Variants in ELP2 observed in about 807,000 individuals in gnomAD.
ELP2 encodes the protein elongator acetyltransferase complex subunit 2.
A neutral mutation model predicts 119.2 loss-of-function variants in ELP2; 90 were observed. The ratio of observed to expected loss-of-function variants is 0.75; its 90% CI spans 0.64 to 0.90. The LOEUF (loss-of-function observed/expected upper bound fraction) is 0.90. Ranked by LOEUF, ELP2 falls within the 40% of genes least tolerant of loss-of-function variation. ELP2 has a pLI of 0.00. For missense variants in ELP2, 921 were observed against 967.8 expected (o/e 0.95, Z 0.64); for synonymous variants, 339 against 331.0 (o/e 1.02, Z -0.26).
intron 9 of ELP2, chr18:36,145,265 C>G (rs1322361133): frequency 1.0e-5 from 5 of 492,806 alleles, no homozygotes; most frequent in Non-Finnish European, 1.8e-5. Context: ...GCTGAAACTA[C>G]CACACCCCCA....
intron 5 of ELP2, 119 bp downstream of exon 5, chr18:36,138,991 A>G: frequency 1.3e-6 from 1 of 796,504 alleles, no homozygotes; most frequent in Non-Finnish European, 2.2e-6. Flanking sequence ...CTATGAAACA[A>G]GATGTGAATA....
At position 36,178,775 on chromosome 18, in the gene ELP2, A is replaced by G. The variant is rs1000817581; in HGVS notation, c.*4134A>G. ...TGAATCATAATTTCAGTATTTATGG[A>G]TGAAATCAATTTATGTCTTGGGTTG... On this transcript the variant is annotated 3_prime_UTR_variant, in exon 22 of 22. Transcript: ENST00000358232. The G allele has an allele frequency of 2.0e-5, 3 of 151,366 alleles. No homozygotes were observed. Among genetic ancestry groups the G allele is most frequent in the Non-Finnish European group, 4.4e-5 (3 of 67,976 alleles). The allele number at this position is 151,366 out of a possible 1,614,324, so 9.4% of individuals were successfully genotyped here.
At chr18:36,153,545 C>G (rs999608032) in intron 11 of ELP2, among the ~76,000 whole-genome samples, 4 of 152,172 alleles carry the variant, frequency 2.6e-5, no homozygotes, top group African/African-American at 9.7e-5. Flanking sequence ...TTCCAACACT[C>G]TCTACCCAGA....
At chr18:36,174,464 A>G in intron 21 of ELP2, 21 bp from the exon 22 acceptor site, 1 of 1,611,168 alleles carries the variant, frequency 6.2e-7, no homozygotes, top group Non-Finnish European at 8.5e-7. Context: ...ACATTTCATG[A>G]TTTCTCTATC....
At chr18:36,135,558 A>T (rs1181017666) in intron 2 of ELP2, among the ~76,000 whole-genome samples, 1 of 152,058 alleles carries the variant, frequency 6.6e-6, no homozygotes, top group Admixed American at 6.6e-5. Context: ...TCCAAACCCA[A>T]ATTAGGTTAT....
rs1452101139 is a variant in ELP2, at chr18:36,145,962, C to T, written c.907C>T (p.Gln303Ter). 1.2e-6 allele frequency: 2 copies of T among 1,613,354 alleles called. No individual in the cohort carries two copies. The highest frequency in any genetic ancestry group is 1.7e-6 in the Non-Finnish European group (2 of 1,179,436). Residue 303 changes from glutamine to a stop codon, truncating the protein, a stop_gained, in exon 10 of 22, where the codon CAG becomes TAG. Coordinates refer to ENST00000358232, the MANE Select transcript of ELP2 (RefSeq NM_018255.4). LOFTEE classifies it high-confidence loss of function. ...TTATTTTTTAGATGGTGTCCTACAGCAGCCAGTGAGATTATTATCTGCTTC... is the reference window on the plus strand; with the variant it reads ...TTATTTTTTAGATGGTGTCCTACAGTAGCCAGTGAGATTATTATCTGCTTC... ...PVFYKDGVLQQPVRLLSASMD... is the reference protein window; with the variant it reads ...PVFYKDGVLQ
At chr18:36,144,584 A>G (rs2090139006) in intron 8 of ELP2, among the ~76,000 whole-genome samples, 1 of 152,180 alleles carries the variant, frequency 6.6e-6, no homozygotes. Flanking sequence ...AGGCTATTAT[A>G]TTCTTATAAT....
chr18:36,167,363 T>C, intron 19 of ELP2, 141 bp downstream of exon 19: 3 of 571,344 alleles, frequency 5.3e-6, no homozygotes, highest in Non-Finnish European at 8.5e-6. Flanking sequence ...TTTTCGTATA[T>C]GTACATATAA....
intron 6 of ELP2, chr18:36,141,454 G>A (rs1210174806): frequency 2.0e-6 from 1 of 489,360 alleles, no homozygotes. Context: ...GATGGAAGAT[G>A]CTGTGGTAGT....
At chr18:36,145,156 A>C (rs2090158466) in intron 9 of ELP2, 122 bp downstream of exon 9, 1 of 775,268 alleles carries the variant, frequency 1.3e-6, no homozygotes, top group Non-Finnish European at 2.3e-6. Context: ...TGACATTTTC[A>C]AGTTGACAAA....
At chr18:36,146,634 T>C (rs1175492733) in intron 11 of ELP2, among the ~76,000 whole-genome samples, 2 of 152,216 alleles carry the variant, frequency 1.3e-5, no homozygotes, top group Non-Finnish European at 2.9e-5. Context: ...AGCTTTCCTG[T>C]CTTCTTAAAA....
In ELP2 at chr18:36,142,921, G is replaced by T; in HGVS notation, c.751G>T (p.Asp251Tyr). Residue 251 changes from aspartate (D) to tyrosine (Y), a missense_variant, in exon 8 of 22, where the codon GAT (aspartate) becomes TAT (tyrosine). Transcript: ENST00000358232. ...KSTSLETQDD[D>Y]NIRLKENTFT... The stretch of plus-strand genomic sequence containing the variant: ...AACATCTTTAGAAACTCAGGATGAC[G>T]ATAACATAAGACTGAAAGAAAATAC... 6.3e-7 allele frequency: 1 copy of T among 1,594,364 alleles called. No individual in the cohort carries two copies. Among genetic ancestry groups the T allele is most frequent in the African/African-American group, 1.3e-5 (1 of 74,410 alleles).
At chr18:36,156,069 A>G (rs1568006266) in intron 12 of ELP2, among the ~76,000 whole-genome samples, 1 of 152,216 alleles carries the variant, frequency 6.6e-6, no homozygotes, top group Non-Finnish European at 1.5e-5. Context: ...CACTACTGGT[A>G]AACTTTGAAC....
At chr18:36,145,510 A>G (rs1349640849) in intron 9 of ELP2, among the ~76,000 whole-genome samples, 2 of 152,172 alleles carry the variant, frequency 1.3e-5, no homozygotes, top group African/African-American at 4.8e-5. Flanking sequence ...ATAGCTAGGT[A>G]AGGCATAGCC....
At chr18:36,171,349 T>G (rs771932494) in intron 21 of ELP2, among the ~76,000 whole-genome samples, 189 bp downstream of exon 21, 2 of 152,248 alleles carry the variant, frequency 1.3e-5, no homozygotes, top group African/African-American at 2.4e-5. Flanking sequence ...ACTTGATTTT[T>G]AAAAGTTTGC....
chr18:36,142,768 T>G, intron 7 of ELP2, 58 bp from the exon 8 acceptor site: 1 of 1,195,702 alleles, frequency 8.4e-7, no homozygotes, highest in Non-Finnish European at 1.2e-6. Context: ...AAAAAAGTCT[T>G]ATACATAAAC....
At chr18:36,149,600 AT>A (rs1296802414) in intron 11 of ELP2, among the ~76,000 whole-genome samples, 2 of 150,644 alleles carry the variant, frequency 1.3e-5, no homozygotes, top group Admixed American at 1.3e-4. Flanking sequence ...TAAAAAAAAA[AT>A]TTTTTTGAGG....
In ELP2 at chr18:36,159,788, T is replaced by G; in HGVS notation, c.1588T>G (p.Phe530Val). ...AGAGGAGCTGTTAACTAGTACTGGT[T>G]TTGAGTATCAGCAGGTGGCCTTTCA... Reference protein sequence around the residue: ...DEEELLTSTGFEYQQVAFQPS... With the variant: ...DEEELLTSTGVEYQQVAFQPS... The change falls in exon 15 of 22, where the codon TTT becomes GTT. Residue 530 changes from phenylalanine to valine, a missense_variant. Coordinates refer to ENST00000358232, the MANE Select transcript of ELP2 (RefSeq NM_018255.4). 1.2e-6 allele frequency: 2 copies of G among 1,614,102 alleles called. No individual in the cohort carries two copies.
intron 17 of ELP2, among the ~76,000 whole-genome samples, chr18:36,161,569 A>G (rs1396615420): frequency 6.6e-6 from 1 of 152,190 alleles, no homozygotes; most frequent in Non-Finnish European, 1.5e-5. Context: ...ACCTGGAAGG[A>G]TGGTCTTGAA....
Sources: gnomAD v4.1 joint callset for allele counts (sites outside exome capture counted in the v4.1 genomes callset) on GRCh38, gnomAD v4.1.1 for gene constraint, MANE v1.5 for transcripts, NCBI Gene and HGNC (gene_info 2026-07-23, HGNC 2026-07-21) for gene names.